FSTL1: variants seen among roughly 807,000 people sequenced by gnomAD.
The protein encoded by FSTL1 is follistatin like 1.
A neutral mutation model predicts 45.9 loss-of-function variants in FSTL1; 24 were observed. The ratio of observed to expected loss-of-function variants is 0.52; its 90% CI spans 0.38 to 0.74. The LOEUF is 0.74. FSTL1 is among the 30% of genes least tolerant of loss of function. The pLI is 0.00. For synonymous variants in FSTL1, 120 were observed against 137.6 expected, an observed-to-expected ratio of 0.87 and a Z score of 0.89; for missense variants, 340 against 381.8, an observed-to-expected ratio of 0.89 and a Z score of 0.91.
intron 2 of FSTL1, among the ~76,000 whole-genome samples, chr3:120,429,076 A>G (rs567436235): frequency 6.6e-6 from 1 of 152,362 alleles, no homozygotes; most frequent in African/African-American, 2.4e-5. Context: ...AGTGGTGTTC[A>G]TCATGCTTGG....
At chr3:120,399,056 A>G (rs957841702) in intron 10 of FSTL1, among the ~76,000 whole-genome samples, 3 of 152,230 alleles carry the variant, frequency 2.0e-5, no homozygotes, top group African/African-American at 7.2e-5. Flanking sequence ...CTCATGTCAA[A>G]TATTTCATAT....
rs1271373842 is a variant in FSTL1 at position 120,450,940 on chromosome 3, G to C, written c.-44C>G. 4 of 476,970 alleles carry C rather than the reference G, an allele frequency of 8.4e-6. No homozygotes were observed. In the East Asian group the frequency reaches 1.4e-4, roughly 17 times the overall value. The allele number at this position is 476,970 out of a possible 1,614,324, so 29.5% of individuals were successfully genotyped here. On this transcript the variant is annotated 5_prime_UTR_variant, in exon 1 of 11. Coordinates refer to ENST00000295633, the MANE Select transcript of FSTL1 (RefSeq NM_007085.5). ...TCCTGGGGGCGCGGGGCAGGACGGCGGCAGCGAGCTGTAAGCGGAGGTGGG... is the reference window on the plus strand; with the variant it reads ...TCCTGGGGGCGCGGGGCAGGACGGCCGCAGCGAGCTGTAAGCGGAGGTGGG...
chr3:120,427,692 G>A (rs1178875134), intron 2 of FSTL1, among the ~76,000 whole-genome samples: 1 of 152,214 alleles, frequency 6.6e-6, no homozygotes, highest in Non-Finnish European at 1.5e-5. Context: ...GTGTGTGCAT[G>A]CATATGTGTG....
chr3:120,393,206 AT>A lies in FSTL1; in HGVS notation c.*3745del, dbSNP rs1376905303. 8 of 152,210 alleles carry A rather than the reference AT, an allele frequency of 5.3e-5. No individual in the cohort carries two copies. In the East Asian group the frequency reaches 1.5e-3, roughly 29 times the overall value. The allele number at this position is 152,210 out of a possible 1,614,324, so 9.4% of individuals were successfully genotyped here. ...ATAACAAAAAAGATTGCCTTTTAATATTTGATTAGCATTTGGGTAATATCCC... is the reference window on the plus strand; with the variant it reads ...ATAACAAAAAAGATTGCCTTTTAATATTGATTAGCATTTGGGTAATATCCC... On this transcript the variant is annotated 3_prime_UTR_variant, in exon 11 of 11. Transcript: ENST00000295633.
chr3:120,450,761 A>G lies in FSTL1; in HGVS notation c.1-15T>C. 2 of 1,569,416 alleles carry G rather than the reference A, an allele frequency of 1.3e-6. No homozygotes were observed. Among genetic ancestry groups the G allele is most frequent in the Non-Finnish European group, 1.7e-6 (2 of 1,164,454 alleles). On this transcript the variant is annotated splice_polypyrimidine_tract_variant and intron_variant, in intron 1 of 10. Transcript: ENST00000295633. ...CGTTTCCACATCTGCGGAAGAGAGAAGAGAGCGAGTCTGAAGGCGCCGGGC... is the reference window on the plus strand; with the variant it reads ...CGTTTCCACATCTGCGGAAGAGAGAGGAGAGCGAGTCTGAAGGCGCCGGGC...
intron 5 of FSTL1, chr3:120,410,235 CAG>C (rs551481823): frequency 6.6e-4 from 110 of 166,602 alleles, no homozygotes; most frequent in Non-Finnish European, 1.1e-3. Context: ...CTGGAAATAA[CAG>C]GGGGTGCTGA....
intron 7 of FSTL1, among the ~76,000 whole-genome samples, chr3:120,403,724 A>C (rs1012063449): frequency 6.6e-6 from 1 of 152,174 alleles, no homozygotes; most frequent in Admixed American, 6.5e-5. Context: ...GGAAAATCAA[A>C]ACAGAAGAGA....
intron 2 of FSTL1, among the ~76,000 whole-genome samples, chr3:120,437,039 G>A (rs896359557): frequency 6.6e-6 from 1 of 152,072 alleles, no homozygotes; most frequent in Non-Finnish European, 1.5e-5. Context: ...TTTCAATAGT[G>A]TTTAGCCTCT....
chr3:120,410,246 G>T (rs1358530869), intron 5 of FSTL1: 2 of 168,498 alleles, frequency 1.2e-5, no homozygotes, highest in Admixed American at 1.1e-4. Context: ...AGGGGGTGCT[G>T]AGAGTTGAGT....
intron 1 of FSTL1, 32 bp from the exon 2 acceptor site, chr3:120,450,778 G>A (rs897755300): frequency 6.5e-6 from 10 of 1,527,640 alleles, no homozygotes; most frequent in Non-Finnish European, 8.8e-6. Context: ...GAGTCTGAAG[G>A]CGCCGGGCCC....
At chr3:120,428,659 G>C (rs539151863) in intron 2 of FSTL1, among the ~76,000 whole-genome samples, 11 of 152,254 alleles carry the variant, frequency 7.2e-5, no homozygotes, top group South Asian at 6.2e-4. Context: ...GCTTGAACCT[G>C]GAAGGCAGAG....
At chr3:120,434,045 C>T (rs1218438346) in intron 2 of FSTL1, among the ~76,000 whole-genome samples, 2 of 152,148 alleles carry the variant, frequency 1.3e-5, no homozygotes, top group Non-Finnish European at 2.9e-5. Flanking sequence ...ACAAAGATTA[C>T]TCAGGCTGTC....
chr3:120,398,354 A>G (rs943717085), intron 10 of FSTL1, among the ~76,000 whole-genome samples: 1 of 152,152 alleles, frequency 6.6e-6, no homozygotes, highest in African/African-American at 2.4e-5. Flanking sequence ...CACTGGCATG[A>G]CTTCCTACCT....
chr3:120,418,146 CAG>C (rs1263292746), intron 2 of FSTL1, among the ~76,000 whole-genome samples: 1 of 152,188 alleles, frequency 6.6e-6, no homozygotes, highest in Admixed American at 6.5e-5. Context: ...TTTGAAGAAA[CAG>C]ATAACTTTTG....
intron 2 of FSTL1, among the ~76,000 whole-genome samples, chr3:120,445,574 C>A (rs552238292): frequency 6.7e-6 from 1 of 149,338 alleles, no homozygotes; most frequent in East Asian, 1.9e-4. Context: ...TCGCATGGTG[C>A]CTACATGGGC....
chr3:120,397,987 T>C (rs1209513172), intron 10 of FSTL1, among the ~76,000 whole-genome samples: 1 of 152,170 alleles, frequency 6.6e-6, no homozygotes, highest in Admixed American at 6.5e-5. Context: ...TTATGCTAAG[T>C]CAAAGACAGA....
rs1434140702 is a variant in FSTL1, at chr3:120,450,957, G to C, written c.-61C>G. 4.3e-6 allele frequency: 2 copies of C among 467,804 alleles called. No homozygotes were observed. 29.0% of individuals were successfully genotyped at this position (467,804 alleles called of 1,614,324 possible). A position where few individuals can be genotyped will look rare whatever the true frequency, so the allele number is the denominator to read the frequency against. Reference sequence around the variant, plus strand: ...AGGACGGCGGCAGCGAGCTGTAAGCGGAGGTGGGAGCTCCGCCGATCGCCA... The same window carrying C: ...AGGACGGCGGCAGCGAGCTGTAAGCCGAGGTGGGAGCTCCGCCGATCGCCA... On this transcript the variant is annotated 5_prime_UTR_variant, in exon 1 of 11. Transcript: ENST00000295633.
intron 5 of FSTL1, chr3:120,410,558 A>C: frequency 2.9e-6 from 1 of 345,190 alleles, no homozygotes; most frequent in South Asian, 2.3e-5. Context: ...GATCACTAAT[A>C]GAAAACCACA....
intron 2 of FSTL1, among the ~76,000 whole-genome samples, chr3:120,431,825 G>A (rs546517745): frequency 3.3e-5 from 5 of 152,246 alleles, no homozygotes; most frequent in African/African-American, 1.2e-4. Flanking sequence ...GAACATACAG[G>A]CAAGGCAGCA....
Sources: gnomAD v4.1 joint callset for allele counts (sites outside exome capture counted in the v4.1 genomes callset) on GRCh38, gnomAD v4.1.1 for gene constraint, MANE v1.5 for transcripts, NCBI Gene and HGNC (gene_info 2026-07-23, HGNC 2026-07-21) for gene names.